The following NFYC variants were observed in gnomAD, a reference collection of about 807,000 sequenced individuals.
NFYC encodes nuclear transcription factor Y subunit gamma, also known as CAAT box DNA-binding protein subunit C.
Under a neutral mutation model 53.1 loss-of-function variants are expected in NFYC, and 25 were observed. The observed-to-expected ratio is 0.47, with a 90% CI of 0.34 to 0.66. The LOEUF is 0.66. NFYC is among the 30% of genes least tolerant of loss of function. NFYC has a pLI of 0.01. For synonymous variants in NFYC, 145 were observed against 152.6 expected (o/e 0.95, Z 0.37); for missense variants, 260 against 422.7 (o/e 0.62, Z 3.38).
chr1:40,714,834 A>T (rs1644065996), intron 1 of NFYC, among the ~76,000 whole-genome samples: 1 of 152,126 alleles, frequency 6.6e-6, no homozygotes, highest in Non-Finnish European at 1.5e-5. Flanking sequence ...TAATCCCAGC[A>T]CTTTGGGAGG....
At chr1:40,747,764 C>T (rs1202360975) in intron 3 of NFYC, among the ~76,000 whole-genome samples, 159 bp downstream of exon 3, 1 of 151,348 alleles carries the variant, frequency 6.6e-6, no homozygotes, top group Non-Finnish European at 1.5e-5. Context: ...GTTAAGTGAG[C>T]CAAAATTGAG....
Position 40,738,878 on chromosome 1 carries a change from G to A in NFYC, c.35G>A (p.Ser12Asn). 1 of 1,614,126 alleles carries A rather than the reference G, an allele frequency of 6.2e-7. No individual in the cohort carries two copies. The highest frequency in any genetic ancestry group is 1.1e-5 in the South Asian group (1 of 91,084). Residue 12 changes from serine to asparagine, a missense_variant, in exon 2 of 10, where the codon AGC (serine) becomes AAC (asparagine). Transcript: ENST00000447388. ...GAAGGAGGATTTGGTGGTACTAGCA[G>A]CAGTGATGCCCAGCAAAGCCTACAG... ...STEGGFGGTS[S>N]SDAQQSLQSF...
intron 1 of NFYC, chr1:40,730,649 G>T (rs1421050521): frequency 1.0e-6 from 1 of 967,032 alleles, no homozygotes; most frequent in Non-Finnish European, 1.2e-6. Flanking sequence ...GACATGTTAA[G>T]TTGGAGATGC....
At chr1:40,728,846 C>T (rs917800087) in intron 1 of NFYC, among the ~76,000 whole-genome samples, 5 of 152,076 alleles carry the variant, frequency 3.3e-5, no homozygotes, top group Non-Finnish European at 7.4e-5. Flanking sequence ...CTATGTTGGC[C>T]AGGCTGGTCT....
intron 2 of NFYC, among the ~76,000 whole-genome samples, chr1:40,740,946 G>C (rs1013906288): frequency 1.3e-5 from 2 of 148,982 alleles, no homozygotes; most frequent in Non-Finnish European, 3.0e-5. Flanking sequence ...TTTAGTTGTA[G>C]TAAAAAAACA....
At chr1:40,751,991 A>G (rs1189291240) in intron 4 of NFYC, among the ~76,000 whole-genome samples, 1 of 152,168 alleles carries the variant, frequency 6.6e-6, no homozygotes, top group Non-Finnish European at 1.5e-5. Context: ...CATCACAGAT[A>G]CAAGGGAAAG....
intron 1 of NFYC, among the ~76,000 whole-genome samples, chr1:40,699,655 TAGAA>T (rs1351928828): frequency 3.9e-5 from 6 of 152,158 alleles, no homozygotes; most frequent in Non-Finnish European, 8.8e-5. Flanking sequence ...AGTACTAAGT[TAGAA>T]AGGAAAACGC....
At chr1:40,712,851 T>A (rs4660445) in intron 1 of NFYC, 40,027 of 151,244 alleles carry the variant, frequency 0.26, 5,542 homozygotes, top group African/African-American at 0.35. Flanking sequence ...ACTAATTTTT[T>A]TTTATTTATT....
intron 1 of NFYC, among the ~76,000 whole-genome samples, chr1:40,715,770 A>T (rs1271132705): frequency 6.6e-6 from 1 of 152,240 alleles, no homozygotes; most frequent in African/African-American, 2.4e-5. Flanking sequence ...CAATCGAAGG[A>T]TAAGGAATGA....
chr1:40,755,227 T>G (rs1646146353), intron 5 of NFYC, among the ~76,000 whole-genome samples: 2 of 152,362 alleles, frequency 1.3e-5, no homozygotes, highest in Admixed American at 1.3e-4. Context: ...GATGTGATGC[T>G]GCTCTTCTCT....
chr1:40,691,781 C>T lies in NFYC; in HGVS notation c.-95C>T, dbSNP rs758714450. 1.1e-4 allele frequency: 48 copies of T among 453,492 alleles called. No homozygotes were observed. The highest frequency in any genetic ancestry group is 8.8e-4 in the African/African-American group (44 of 49,860). The allele number at this position is 453,492 out of a possible 1,614,324, so 28.1% of individuals were successfully genotyped here. On this transcript the variant is annotated 5_prime_UTR_variant, in exon 1 of 10. Transcript: ENST00000447388. ...TTCTCCGTGACGCACACTTCCCCCT[C>T]CCCTCCGCCGCGCCTGGGCCTCTGC...
At chr1:40,750,596 AAAAG>A (rs1645859666) in intron 4 of NFYC, among the ~76,000 whole-genome samples, 1 of 94,996 alleles carries the variant, frequency 1.1e-5, no homozygotes, top group Non-Finnish European at 2.4e-5. Flanking sequence ...TTAAAGCAAA[AAAAG>A]CAAAAAATAC....
At chr1:40,757,437 C>T (rs1646288006) in intron 5 of NFYC, 3 of 492,526 alleles carry the variant, frequency 6.1e-6, no homozygotes, top group Non-Finnish European at 1.3e-5. Context: ...CCTCCCTAAT[C>T]AGCCAAGGCA....
At chr1:40,727,570 G>A (rs548198368) in intron 1 of NFYC, among the ~76,000 whole-genome samples, 138 of 143,244 alleles carry the variant, frequency 9.6e-4, no homozygotes, top group African/African-American at 3.1e-3. Context: ...TTGCTCTGTC[G>A]CCCAGGCTGG....
At chr1:40,746,264 G>A (rs1461424478) in intron 2 of NFYC, among the ~76,000 whole-genome samples, 1 of 152,206 alleles carries the variant, frequency 6.6e-6, no homozygotes, top group Non-Finnish European at 1.5e-5. Flanking sequence ...TTTGAAGTTT[G>A]TAGAGCAGAG....
At chr1:40,762,841 G>C (rs533474774) in intron 6 of NFYC, 47 bp from the exon 7 acceptor site, 2 of 1,472,454 alleles carry the variant, frequency 1.4e-6, no homozygotes, top group African/African-American at 2.8e-5. Context: ...AATCCTGTGG[G>C]CTCTGAGCCT....
intron 1 of NFYC, among the ~76,000 whole-genome samples, chr1:40,724,871 T>G (rs1055367809): frequency 5.3e-5 from 8 of 152,246 alleles, no homozygotes; most frequent in Admixed American, 2.0e-4. Flanking sequence ...TACAGATCTT[T>G]AAGGAGAGCA....
intron 8 of NFYC, chr1:40,767,086 G>A: frequency 9.3e-7 from 1 of 1,076,082 alleles, no homozygotes. Context: ...TGTGCTCTTT[G>A]GAAAGCTTAC....
chr1:40,702,013 A>G (rs188022803), intron 1 of NFYC, among the ~76,000 whole-genome samples: 35 of 152,278 alleles, frequency 2.3e-4, no homozygotes, highest in African/African-American at 7.9e-4. Context: ...ATCCCTGTCA[A>G]GTGTTCAAAC....
Sources: gnomAD v4.1 joint callset for allele counts (sites outside exome capture counted in the v4.1 genomes callset) on GRCh38, gnomAD v4.1.1 for gene constraint, MANE v1.5 for transcripts, NCBI Gene and HGNC (gene_info 2026-07-23, HGNC 2026-07-21) for gene names.